The following USP34 variants were observed in gnomAD, a reference collection of about 807,000 sequenced individuals.
The protein encoded by USP34 is ubiquitin carboxyl-terminal hydrolase 34.
Under a neutral mutation model 460.3 loss-of-function variants are expected in USP34, and 70 were observed. That is an observed-to-expected ratio of 0.15 (90% CI 0.13 to 0.19). USP34 has a LOEUF of 0.19. Ranked by LOEUF, USP34 falls within the 10% of genes least tolerant of loss-of-function variation. The pLI, the probability that USP34 is intolerant of heterozygous loss-of-function variation, is 1.00. For missense variants in USP34, 3,985 were observed against 4,236.2 expected, an observed-to-expected ratio of 0.94 and a Z score of 1.65; for synonymous variants, 1,647 against 1,405.3, an observed-to-expected ratio of 1.17 and a Z score of -3.85.
chr2:61,347,798 C>T, intron 15 of USP34, 72 bp downstream of exon 15: 2 of 1,552,854 alleles, frequency 1.3e-6, no homozygotes, highest in Non-Finnish European at 1.7e-6. Flanking sequence ...GAATAAATTG[C>T]AAATTGAATA....
intron 43 of USP34, among the ~76,000 whole-genome samples, chr2:61,264,754 T>G (rs1280193595): frequency 6.6e-6 from 1 of 152,168 alleles, no homozygotes; most frequent in Non-Finnish European, 1.5e-5. Context: ...CCGGGCATGG[T>G]GGCTCACACC....
intron 1 of USP34, among the ~76,000 whole-genome samples, chr2:61,459,394 T>C (rs963455447): frequency 6.6e-6 from 1 of 152,184 alleles, no homozygotes; most frequent in Non-Finnish European, 1.5e-5. Flanking sequence ...AGAAGTGTAT[T>C]ATCATCACTG....
At chr2:61,202,838 T>C (rs1388951514) in intron 75 of USP34, among the ~76,000 whole-genome samples, 2 of 152,052 alleles carry the variant, frequency 1.3e-5, no homozygotes, top group Admixed American at 6.6e-5. Context: ...CAGTTTTGTT[T>C]TTTGTTTTCA....
At chr2:61,412,294 G>T (rs935440894) in intron 2 of USP34, among the ~76,000 whole-genome samples, 7 of 139,266 alleles carry the variant, frequency 5.0e-5, no homozygotes, top group African/African-American at 1.6e-4. Flanking sequence ...AGGAAAAAAA[G>T]ATTTTAGCTG....
rs957750114 is a variant in USP34, at chr2:61,334,487, G to C, written c.2745-516C>G. On this transcript the variant is annotated intron_variant, in intron 18 of 79. Transcript: ENST00000398571. ...GACAGATACTGACATAGAAATCCTG[G>C]AAGTAGGAAAGGAGGTTGGCTGCAT... Among the ~76,000 whole-genome samples the C allele has an allele frequency of 3.9e-5, 6 of 152,106 alleles. No homozygotes were observed. The East Asian group carries it at 9.6e-4, about 24-fold the overall frequency.
chr2:61,378,989 G>A (rs1420718782), intron 7 of USP34, among the ~76,000 whole-genome samples: 1 of 147,046 alleles, frequency 6.8e-6, no homozygotes, highest in Non-Finnish European at 1.5e-5. Context: ...TAAGTGCACT[G>A]GAGAAAATAA....
chr2:61,368,751 G>A (rs904560100), intron 10 of USP34, among the ~76,000 whole-genome samples: 1 of 152,142 alleles, frequency 6.6e-6, no homozygotes, highest in African/African-American at 2.4e-5. Flanking sequence ...AATAGAAAAT[G>A]TATAGGGAGA....
At chr2:61,286,029 C>A (rs1297647310) in intron 34 of USP34, among the ~76,000 whole-genome samples, 1 of 152,180 alleles carries the variant, frequency 6.6e-6, no homozygotes, top group Admixed American at 6.5e-5. Context: ...ATACAATGTG[C>A]AAATAAGCAA....
chr2:61,218,385 A>T (rs1237743329), intron 67 of USP34, among the ~76,000 whole-genome samples: 5 of 151,860 alleles, frequency 3.3e-5, no homozygotes, highest in Admixed American at 2.6e-4. Context: ...CGCCACTGAA[A>T]GGTGCTTCTC....
intron 1 of USP34, among the ~76,000 whole-genome samples, chr2:61,461,125 T>G (rs1471784699): frequency 6.6e-6 from 1 of 151,890 alleles, no homozygotes. Context: ...GCAGGGTGGC[T>G]CACAACTGTA....
chr2:61,281,217 C>A lies in USP34; in HGVS notation c.5024G>T (p.Ser1675Ile). 1.2e-6 allele frequency: 2 copies of A among 1,613,832 alleles called. No individual in the cohort carries two copies. Among genetic ancestry groups the A allele is most frequent in the African/African-American group, 1.3e-5 (1 of 75,034 alleles). Reference protein sequence around the residue: ...PETAVRHESCSGLYKLSLSGL... With the variant: ...PETAVRHESCIGLYKLSLSGL... ...TGACAGGGATAACTTATAGAGACCA[C>A]TGCATGATTCATGACGAACTGCAGT... The change falls in exon 38 of 80, where the codon AGT becomes ATT. Residue 1675 changes from serine to isoleucine, a missense_variant. Physicochemically the swap from Ser to Ile is moderately radical, Grantham distance 142. Coordinates refer to ENST00000398571, the MANE Select transcript of USP34 (RefSeq NM_014709.4).
intron 41 of USP34, among the ~76,000 whole-genome samples, chr2:61,268,732 T>G (rs1302307129): frequency 1.3e-5 from 2 of 152,058 alleles, no homozygotes; most frequent in Non-Finnish European, 2.9e-5. Flanking sequence ...GTAAATAAGG[T>G]TTTTTAGAAT....
chr2:61,421,917 C>A (rs1371645217), intron 1 of USP34, among the ~76,000 whole-genome samples: 3 of 152,160 alleles, frequency 2.0e-5, no homozygotes, highest in African/African-American at 7.2e-5. Flanking sequence ...TGGAAGATTC[C>A]TCTCTGGTAA....
At chr2:61,390,254 G>A (rs1217255224) in intron 5 of USP34, among the ~76,000 whole-genome samples, 1 of 152,090 alleles carries the variant, frequency 6.6e-6, no homozygotes, top group Non-Finnish European at 1.5e-5. Flanking sequence ...ATTAATAAAA[G>A]GTGTTATGTA....
chr2:61,260,288 A>C (rs548897328), intron 43 of USP34, among the ~76,000 whole-genome samples: 200 of 152,324 alleles, frequency 1.3e-3, no homozygotes, highest in African/African-American at 4.7e-3. Context: ...CAAATTCAGG[A>C]ATCTGGCTAG....
intron 27 of USP34, 133 bp downstream of exon 27, chr2:61,311,407 A>G: frequency 1.0e-6 from 1 of 960,780 alleles, no homozygotes; most frequent in Non-Finnish European, 1.5e-6. Flanking sequence ...AAACCAAGAC[A>G]GTTGCTATAT....
At chr2:61,273,977 A>C (rs1363938984) in intron 41 of USP34, among the ~76,000 whole-genome samples, 1 of 152,094 alleles carries the variant, frequency 6.6e-6, no homozygotes, top group Non-Finnish European at 1.5e-5. Flanking sequence ...AAAAACTTAA[A>C]TGTAAAATAT....
intron 33 of USP34, among the ~76,000 whole-genome samples, chr2:61,289,353 A>C (rs1689780866): frequency 6.6e-6 from 1 of 152,182 alleles, no homozygotes; most frequent in Admixed American, 6.5e-5. Context: ...AAATAATTCA[A>C]CTGAAACTCT....
intron 1 of USP34, among the ~76,000 whole-genome samples, chr2:61,440,728 G>C (rs891464917): frequency 6.6e-6 from 1 of 151,578 alleles, no homozygotes; most frequent in Admixed American, 6.6e-5. Flanking sequence ...ATGTTGGCCA[G>C]GCTGGTCTCA....
Sources: gnomAD v4.1 joint callset for allele counts (sites outside exome capture counted in the v4.1 genomes callset) on GRCh38, gnomAD v4.1.1 for gene constraint, MANE v1.5 for transcripts, NCBI Gene and HGNC (gene_info 2026-07-23, HGNC 2026-07-21) for gene names.